ADCY2: variants seen among roughly 807,000 people sequenced by gnomAD.
The protein encoded by ADCY2 is adenylate cyclase type 2.
Under a neutral mutation model 125.2 loss-of-function variants are expected in ADCY2, and 31 were observed. The observed-to-expected ratio is 0.25, with a 90% CI of 0.19 to 0.33. The LOEUF (loss-of-function observed/expected upper bound fraction) is 0.33. Among genes scored for constraint, ADCY2 ranks in the 10% least tolerant of loss-of-function variants. The pLI is 1.00. For synonymous variants in ADCY2, 512 were observed against 548.4 expected, an observed-to-expected ratio of 0.93 and a Z score of 0.93; for missense variants, 904 against 1,418.2, an observed-to-expected ratio of 0.64 and a Z score of 5.82.
intron 3 of ADCY2, among the ~76,000 whole-genome samples, chr5:7,597,802 A>T (rs778285098): frequency 2.6e-5 from 4 of 152,136 alleles, no homozygotes; most frequent in Non-Finnish European, 4.4e-5. Context: ...AACAAAAAGC[A>T]GTAGTAGCGT....
At chr5:7,406,319 C>G (rs542314147) in intron 1 of ADCY2, among the ~76,000 whole-genome samples, 1 of 152,260 alleles carries the variant, frequency 6.6e-6, no homozygotes, top group African/African-American at 2.4e-5. Flanking sequence ...CTCCATCAAG[C>G]CTGGGTGTGG....
At position 7,802,293 on chromosome 5, in the gene ADCY2, G is replaced by A; in HGVS notation, c.2704G>A (p.Glu902Lys). 6.2e-7 allele frequency: 1 copy of A among 1,614,118 alleles called. No individual in the cohort carries two copies. The highest frequency in any genetic ancestry group is 8.5e-7 in the Non-Finnish European group (1 of 1,180,004). Residue 902 changes from glutamate to lysine, a missense_variant, in exon 21 of 25, where the codon GAA (glutamate) becomes AAA (lysine). Glu to Lys is a moderately conservative substitution (Grantham distance 56). This residue lies in a region of ADCY2 where 181 missense variants were observed against 381.6 expected (regional missense o/e 0.47). Coordinates refer to ENST00000338316, the MANE Select transcript of ADCY2 (RefSeq NM_020546.3). This position sits in a 1 kb window ranked among gnomAD's most constrained non-coding sequence, Gnocchi z 4.6. ...SIPDFKEFYT[E>K]SDVNKEGLEC... ...TCCGGATTTCAAAGAATTTTATACA[G>A]AATCCGACGTGAACAAGGAGGGCTT...
At position 7,709,913 on chromosome 5, in the gene ADCY2, T is replaced by G. The variant is rs1741386555; in HGVS notation, c.1578+526T>G. On this transcript the variant is annotated intron_variant, in intron 10 of 24. Transcript: ENST00000338316. The surrounding 1 kb of genome is among the most constrained non-coding windows in gnomAD (Gnocchi z 4.4). The stretch of plus-strand genomic sequence containing the variant: ...CCAGGGACATCTGCGATAAGATGGC[T>G]GCAATGGAGAAGGAAAATAGAAAGG... Among the ~76,000 whole-genome samples, 1 of 152,072 alleles carries G rather than the reference T, an allele frequency of 6.6e-6. No individual in the cohort carries two copies. The highest frequency in any genetic ancestry group is 2.1e-4 in the South Asian group (1 of 4,812).
At chr5:7,820,143 A>T (rs1745250631) in intron 23 of ADCY2, among the ~76,000 whole-genome samples, 2 of 152,160 alleles carry the variant, frequency 1.3e-5, no homozygotes, top group Admixed American at 1.3e-4. Flanking sequence ...TGTACCTGCA[A>T]AGGTACTGCT....
chr5:7,448,606 A>G (rs552288275), intron 2 of ADCY2, among the ~76,000 whole-genome samples: 15 of 152,174 alleles, frequency 9.9e-5, no homozygotes, highest in African/African-American at 3.1e-4. Flanking sequence ...CCCAGCATCC[A>G]TTAGCTGTTC....
Position 7,828,302 on chromosome 5 carries a change from G to A in ADCY2, c.*1431G>A, listed in dbSNP as rs999662048. On this transcript the variant is annotated 3_prime_UTR_variant, in exon 25 of 25. Transcript: ENST00000338316. ...GGAAGCCTTTTATTCGTGGGAACTC[G>A]AACTTGAAGCACAAGTTCCTGGTTT... 6 of 152,636 alleles carry A rather than the reference G, an allele frequency of 3.9e-5. No homozygotes were observed. Among genetic ancestry groups the A allele is most frequent in the African/African-American group, 9.7e-5 (4 of 41,450 alleles). The allele number at this position is 152,636 out of a possible 1,614,324, so 9.5% of individuals were successfully genotyped here. A position where few individuals can be genotyped will look rare whatever the true frequency, so the allele number is the denominator to read the frequency against.
intron 9 of ADCY2, among the ~76,000 whole-genome samples, chr5:7,708,374 T>G (rs1008773305): frequency 2.0e-5 from 3 of 152,232 alleles, no homozygotes; most frequent in African/African-American, 4.8e-5. Context: ...ATCTACTGCC[T>G]GAGATGATCC....
At chr5:7,786,897 T>G (rs1458282799) in intron 19 of ADCY2, among the ~76,000 whole-genome samples, 1 of 152,156 alleles carries the variant, frequency 6.6e-6, no homozygotes, top group Non-Finnish European at 1.5e-5. Flanking sequence ...GCCCTCCAGT[T>G]CCTCAGGTTG....
intron 3 of ADCY2, among the ~76,000 whole-genome samples, chr5:7,595,759 C>T (rs770924723): frequency 3.3e-5 from 5 of 152,110 alleles, no homozygotes; most frequent in Non-Finnish European, 5.9e-5. Context: ...CTGTGCACAT[C>T]CTCTTGGATA....
intron 3 of ADCY2, among the ~76,000 whole-genome samples, chr5:7,610,130 G>A (rs188627390): frequency 4.4e-4 from 67 of 152,326 alleles, no homozygotes; most frequent in Middle Eastern, 6.8e-3. Context: ...CTAGTCCTCA[G>A]AAGAAAGATG....
intron 21 of ADCY2, among the ~76,000 whole-genome samples, chr5:7,804,016 C>T (rs188448049): frequency 1.0e-4 from 12 of 116,434 alleles, no homozygotes; most frequent in Admixed American, 8.6e-4. Flanking sequence ...TCTCACTTCT[C>T]TTAGGCCTCC....
chr5:7,769,408 T>C (rs1171752416), intron 17 of ADCY2, among the ~76,000 whole-genome samples: 1 of 152,156 alleles, frequency 6.6e-6, no homozygotes, highest in East Asian at 1.9e-4. Context: ...AAAAGTATTG[T>C]TTTAAAAAAT....
At chr5:7,500,295 T>C (rs1248859531) in intron 2 of ADCY2, among the ~76,000 whole-genome samples, 1 of 152,184 alleles carries the variant, frequency 6.6e-6, no homozygotes, top group Non-Finnish European at 1.5e-5. Context: ...GAATTCCAAA[T>C]AATTCATGTA....
At chr5:7,786,721 G>A (rs541185174) in intron 19 of ADCY2, among the ~76,000 whole-genome samples, 16 of 152,288 alleles carry the variant, frequency 1.1e-4, no homozygotes, top group Admixed American at 1.0e-3. Context: ...GCAGCACATT[G>A]AGGTGGGATA....
intron 1 of ADCY2, among the ~76,000 whole-genome samples, chr5:7,413,704 C>T (rs1739821521): frequency 6.6e-6 from 1 of 152,022 alleles, no homozygotes; most frequent in African/African-American, 2.4e-5. Flanking sequence ...TAAACGCTGT[C>T]CATAGCAAGC....
At chr5:7,416,643 C>A (rs773905165) in intron 2 of ADCY2, among the ~76,000 whole-genome samples, 1 of 152,174 alleles carries the variant, frequency 6.6e-6, no homozygotes, top group South Asian at 2.1e-4. Context: ...GAGCCCACCA[C>A]GACTGCAGGA....
chr5:7,733,216 C>T (rs1312153505), intron 14 of ADCY2, among the ~76,000 whole-genome samples: 1 of 151,790 alleles, frequency 6.6e-6, no homozygotes, highest in Admixed American at 6.6e-5. Context: ...AATAATAAAC[C>T]AAATTATAAT....
At chr5:7,632,892 AGTTAGAAT>A (rs1738365095) in intron 4 of ADCY2, among the ~76,000 whole-genome samples, 2 of 152,198 alleles carry the variant, frequency 1.3e-5, no homozygotes, top group Non-Finnish European at 2.9e-5. Flanking sequence ...GAAGTCCTTT[AGTTAGAAT>A]GGTTGAGATC....
At chr5:7,436,752 A>G (rs1740818797) in intron 2 of ADCY2, among the ~76,000 whole-genome samples, 1 of 152,246 alleles carries the variant, frequency 6.6e-6, no homozygotes, top group Non-Finnish European at 1.5e-5. Context: ...TGAGACAGCC[A>G]TGTAAAGAGA....
Sources: gnomAD v4.1 joint callset for allele counts (sites outside exome capture counted in the v4.1 genomes callset) on GRCh38, gnomAD v4.1.1 for gene constraint, gnomAD v4.1.1 regional missense constraint, Gnocchi (gnomAD v3.1) non-coding constraint, MANE v1.5 for transcripts, NCBI Gene and HGNC (gene_info 2026-07-23, HGNC 2026-07-21) for gene names.